ROBO2: variants seen among roughly 807,000 people sequenced by gnomAD.
ROBO2 encodes roundabout homolog 2.
A neutral mutation model predicts 160.8 loss-of-function variants in ROBO2; 53 were observed. That is an observed-to-expected ratio of 0.33 (90% CI 0.26 to 0.41). The LOEUF is 0.41. Ranked by LOEUF, ROBO2 falls within the 10% of genes least tolerant of loss-of-function variation. The pLI, the probability that ROBO2 is intolerant of heterozygous loss-of-function variation, is 1.00. For missense variants in ROBO2, 1,577 were observed against 1,722.4 expected (o/e 0.92, Z 1.49); for synonymous variants, 664 against 611.7 (o/e 1.09, Z -1.26).
intron 2 of ROBO2, among the ~76,000 whole-genome samples, chr3:76,310,195 A>G (rs539212223): frequency 6.6e-6 from 1 of 152,288 alleles, no homozygotes; most frequent in East Asian, 1.9e-4. Flanking sequence ...TCATGTGTTA[A>G]TTATAACCAT....
At chr3:77,231,415 A>G (rs2087193142) in intron 2 of ROBO2, among the ~76,000 whole-genome samples, 1 of 151,782 alleles carries the variant, frequency 6.6e-6, no homozygotes, top group Non-Finnish European at 1.5e-5. Flanking sequence ...CTAAGCTAAA[A>G]TAAAAGCCTC....
chr3:76,702,308 T>C (rs2107474625), intron 2 of ROBO2, among the ~76,000 whole-genome samples: 1 of 152,188 alleles, frequency 6.6e-6, no homozygotes, highest in East Asian at 1.9e-4. Context: ...ATGTATGCAA[T>C]TAAAATCTTT....
intron 2 of ROBO2, among the ~76,000 whole-genome samples, chr3:77,099,071 C>CTTTTTTTTTTTTTTTTT (rs750626067): frequency 8.2e-5 from 10 of 121,250 alleles, no homozygotes; most frequent in South Asian, 2.8e-4. Flanking sequence ...TTCTTTCTTT[C>CTTTTTTTTTTTTTTTTT]TTTTTTTTTT....
intron 2 of ROBO2, among the ~76,000 whole-genome samples, chr3:76,054,243 C>A (rs1408237997): frequency 1.3e-5 from 2 of 152,186 alleles, no homozygotes; most frequent in Non-Finnish European, 2.9e-5. Context: ...AAATTGTATA[C>A]AATATTGTGT....
chr3:77,265,191 C>G (rs1377836897), intron 2 of ROBO2, among the ~76,000 whole-genome samples: 1 of 152,086 alleles, frequency 6.6e-6, no homozygotes, highest in Non-Finnish European at 1.5e-5. Flanking sequence ...TCACATTATC[C>G]CCATTTTCCA....
At chr3:76,360,960 CCT>C (rs1576660082) in intron 2 of ROBO2, among the ~76,000 whole-genome samples, 1 of 151,904 alleles carries the variant, frequency 6.6e-6, no homozygotes, top group Non-Finnish European at 1.5e-5. Context: ...TTACCTATTT[CCT>C]CTGTCTCTTT....
intron 2 of ROBO2, among the ~76,000 whole-genome samples, chr3:76,215,139 A>G (rs1044979062): frequency 2.6e-5 from 4 of 152,202 alleles, no homozygotes; most frequent in Admixed American, 6.5e-5. Context: ...CAGAAAGGAC[A>G]TCCACACCAA....
In ROBO2 at chr3:76,960,884, G is replaced by A. The variant is rs187397463; in HGVS notation, c.110-137130G>A. ...AGTAACAAAGAATACAATATTAAAT[G>A]TAGACTTATTCAGACCTCCATATTA... On this transcript the variant is annotated intron_variant, in intron 2 of 26. Coordinates refer to the ROBO2 transcript ENST00000487694. Among the ~76,000 whole-genome samples the A allele has an allele frequency of 1.9e-3, 284 of 152,262 alleles. 1 individual carries two copies. Among genetic ancestry groups the A allele is most frequent in the Middle Eastern group, 0.01 (3 of 294 alleles).
intron 2 of ROBO2, among the ~76,000 whole-genome samples, chr3:76,220,685 T>C (rs1346849909): frequency 6.6e-6 from 1 of 152,080 alleles, no homozygotes; most frequent in Non-Finnish European, 1.5e-5. Context: ...AATCCTCTCC[T>C]GATATCCAGA....
intron 2 of ROBO2, among the ~76,000 whole-genome samples, chr3:77,148,210 T>C (rs2077264468): frequency 6.6e-6 from 1 of 152,234 alleles, no homozygotes; most frequent in Non-Finnish European, 1.5e-5. Flanking sequence ...ACCCACTCCT[T>C]AAGCCCCGTG....
At chr3:77,220,628 A>G (rs536850656) in intron 2 of ROBO2, among the ~76,000 whole-genome samples, 1 of 152,278 alleles carries the variant, frequency 6.6e-6, no homozygotes, top group Admixed American at 6.5e-5. Flanking sequence ...GATTAAATGG[A>G]CATTTTCCTA....
intron 2 of ROBO2, among the ~76,000 whole-genome samples, chr3:76,732,648 T>C (rs1220381618): frequency 2.0e-5 from 3 of 152,136 alleles, no homozygotes; most frequent in Non-Finnish European, 4.4e-5. Context: ...TCTTTGATGG[T>C]TGACAGAAGA....
intron 2 of ROBO2, among the ~76,000 whole-genome samples, chr3:77,390,692 A>G (rs1389392001): frequency 1.3e-5 from 2 of 152,180 alleles, no homozygotes; most frequent in Non-Finnish European, 2.9e-5. Flanking sequence ...TCAAAATGTA[A>G]TATGAAAAAA....
At chr3:77,446,800 A>G (rs2080575948) in intron 2 of ROBO2, among the ~76,000 whole-genome samples, 1 of 152,102 alleles carries the variant, frequency 6.6e-6, no homozygotes, top group Non-Finnish European at 1.5e-5. Flanking sequence ...TGGAAAGAAC[A>G]GAAAAAAAAT....
intron 2 of ROBO2, among the ~76,000 whole-genome samples, chr3:76,420,157 A>AT (rs1028323956): frequency 3.9e-5 from 6 of 152,110 alleles, no homozygotes; most frequent in African/African-American, 1.4e-4. Flanking sequence ...GCCTTTTGAC[A>AT]AATCCTTGAA....
chr3:77,406,107 G>T (rs1011877232), intron 2 of ROBO2, among the ~76,000 whole-genome samples: 1 of 152,108 alleles, frequency 6.6e-6, no homozygotes, highest in East Asian at 1.9e-4. Flanking sequence ...GGCAGAAGGT[G>T]AAGGGAAAGC....
intron 2 of ROBO2, among the ~76,000 whole-genome samples, chr3:77,114,578 A>G (rs1254853925): frequency 6.6e-6 from 1 of 152,116 alleles, no homozygotes; most frequent in African/African-American, 2.4e-5. Context: ...TCACCTTGTG[A>G]CCATGTAATT....
At chr3:76,857,916 A>C (rs1175431964) in intron 2 of ROBO2, among the ~76,000 whole-genome samples, 1 of 152,172 alleles carries the variant, frequency 6.6e-6, no homozygotes, top group East Asian at 1.9e-4. Context: ...AGGGTTCCTT[A>C]AAAAGGCCGT....
At chr3:77,193,880 A>G (rs561222768) in intron 2 of ROBO2, among the ~76,000 whole-genome samples, 9 of 152,296 alleles carry the variant, frequency 5.9e-5, no homozygotes, top group Admixed American at 2.6e-4. Context: ...AGTTCTGCAT[A>G]CTAAGTATAG....
Sources: allele counts gnomAD v4.1 joint callset (sites outside exome capture counted in the v4.1 genomes callset), GRCh38; gene constraint gnomAD v4.1.1; transcripts MANE v1.5; gene names NCBI Gene and HGNC (gene_info 2026-07-23, HGNC 2026-07-21).